Variants in PIP5K1B observed in about 807,000 individuals in gnomAD.
The protein encoded by PIP5K1B is phosphatidylinositol-4-phosphate 5-kinase type 1 beta.
PIP5K1B carries 42 observed loss-of-function variants against 67.0 expected under a neutral mutation model. That is an observed-to-expected ratio of 0.63 (90% CI 0.49 to 0.81). The LOEUF (loss-of-function observed/expected upper bound fraction) is 0.81. PIP5K1B is among the 30% of genes least tolerant of loss of function. PIP5K1B has a pLI of 0.00. For synonymous variants in PIP5K1B, 214 were observed against 231.4 expected (o/e 0.92, Z 0.68); for missense variants, 459 against 646.3 (o/e 0.71, Z 3.14).
At chr9:68,944,610 G>A (rs1225249107) in intron 14 of PIP5K1B, among the ~76,000 whole-genome samples, 1 of 152,156 alleles carries the variant, frequency 6.6e-6, no homozygotes, top group Non-Finnish European at 1.5e-5. Context: ...AAAGCCACTG[G>A]TCATTTACAC....
intron 7 of PIP5K1B, among the ~76,000 whole-genome samples, chr9:68,889,621 G>C (rs1824664841): frequency 6.6e-6 from 1 of 151,678 alleles, no homozygotes; most frequent in Non-Finnish European, 1.5e-5. Flanking sequence ...TGTAGTCCTA[G>C]CTACTCAGGA....
chr9:68,847,507 G>A (rs528619905), intron 4 of PIP5K1B, among the ~76,000 whole-genome samples: 1 of 150,506 alleles, frequency 6.6e-6, no homozygotes, highest in South Asian at 2.1e-4. Context: ...ATGAGAGGGT[G>A]GAGGTTGCTG....
chr9:68,793,253 A>G (rs1832098694), intron 2 of PIP5K1B, among the ~76,000 whole-genome samples: 1 of 152,142 alleles, frequency 6.6e-6, no homozygotes, highest in Non-Finnish European at 1.5e-5. Flanking sequence ...TCTTGTATGA[A>G]GGACACTGGC....
At position 68,882,460 on chromosome 9, in the gene PIP5K1B, AAG is replaced by A. The variant is rs568327334; in HGVS notation, c.318+5668_318+5669del. On this transcript the variant is annotated intron_variant, in intron 6 of 15. Coordinates refer to ENST00000265382, the MANE Select transcript of PIP5K1B (RefSeq NM_003558.4). ...GTGTTATGTATAAATGACATAATAAAAGAATATTTGACAATGTAGTAACCAAT... is the reference window on the plus strand; with the variant it reads ...GTGTTATGTATAAATGACATAATAAAAATATTTGACAATGTAGTAACCAAT... Among the ~76,000 whole-genome samples the A allele has an allele frequency of 7.5e-4, 115 of 152,344 alleles. 1 individual carries two copies. Among genetic ancestry groups the A allele is most frequent in the Non-Finnish European group, 1.5e-3 (103 of 68,034 alleles).
intron 14 of PIP5K1B, among the ~76,000 whole-genome samples, chr9:68,976,469 A>G (rs1829634807): frequency 6.6e-6 from 1 of 152,204 alleles, no homozygotes; most frequent in African/African-American, 2.4e-5. Flanking sequence ...ACAGCTACTT[A>G]GTGCCATGTT....
chr9:68,913,128 G>C (rs1238430423), intron 8 of PIP5K1B, among the ~76,000 whole-genome samples: 2 of 152,206 alleles, frequency 1.3e-5, no homozygotes. Context: ...GAAAGAATCT[G>C]ACTTTGGCAA....
rs191852642 is a variant in PIP5K1B, at chr9:68,923,396, T to C, written c.1201+10T>C. ...TTCAAGAAAATTCAAGGTAAGATTC[T>C]TATGAATTTTTTTTTTTACTTTTAG... On this transcript the variant is annotated intron_variant, in intron 12 of 15. Coordinates refer to ENST00000265382, the MANE Select transcript of PIP5K1B (RefSeq NM_003558.4). The C allele has an allele frequency of 2.2e-4, 318 of 1,452,018 alleles. No individual in the cohort carries two copies. In the East Asian group the frequency reaches 6.4e-3, roughly 29 times the overall value. The allele number at this position is 1,452,018 out of a possible 1,614,324, so 89.9% of individuals were successfully genotyped here. A position where few individuals can be genotyped will look rare whatever the true frequency, so the allele number is the denominator to read the frequency against.
In PIP5K1B at chr9:68,940,729, T is replaced by A. The variant is rs1391129989; in HGVS notation, c.1441T>A (p.Ser481Thr). 1 of 1,614,036 alleles carries A rather than the reference T, an allele frequency of 6.2e-7. No homozygotes were observed. Among genetic ancestry groups the A allele is most frequent in the Non-Finnish European group, 8.5e-7 (1 of 1,179,908 alleles). Residue 481 changes from serine to threonine, a missense_variant, in exon 14 of 16, where the codon TCT becomes ACT. Around this residue, in one of 2 missense-constraint regions of PIP5K1B, gnomAD observed 169 missense variants for 171.9 expected, o/e 0.98. Coordinates refer to ENST00000265382, the MANE Select transcript of PIP5K1B (RefSeq NM_003558.4). The part of the protein sequence containing the change: ...EAASLATTIS[S>T]SSLYVNEHYP... ...TGCTTCCTTGGCAACCACAATTTCATCTTCTTCCTTATACGTCAATGAGCA... is the reference window on the plus strand; with the variant it reads ...TGCTTCCTTGGCAACCACAATTTCAACTTCTTCCTTATACGTCAATGAGCA...
chr9:68,819,298 G>A (rs1201188405), intron 3 of PIP5K1B, among the ~76,000 whole-genome samples: 3 of 152,108 alleles, frequency 2.0e-5, no homozygotes, highest in Non-Finnish European at 2.9e-5. Context: ...TTTTGAGACA[G>A]GCTCTTCCTT....
chr9:68,913,711 A>C (rs1290833538), intron 8 of PIP5K1B, among the ~76,000 whole-genome samples: 1 of 152,140 alleles, frequency 6.6e-6, no homozygotes, highest in Non-Finnish European at 1.5e-5. Context: ...TCTTTTTTTA[A>C]GCCTTCCACA....
intron 15 of PIP5K1B, among the ~76,000 whole-genome samples, chr9:69,002,539 A>C (rs753837053): frequency 2.6e-5 from 4 of 152,202 alleles, no homozygotes; most frequent in African/African-American, 4.8e-5. Context: ...CCCCCACTGC[A>C]CTACATCCCC....
At chr9:68,884,035 A>C (rs1824330977) in intron 6 of PIP5K1B, among the ~76,000 whole-genome samples, 2 of 152,210 alleles carry the variant, frequency 1.3e-5, no homozygotes, top group African/African-American at 4.8e-5. Flanking sequence ...GGAAGGCCAG[A>C]AACTGTAAAA....
intron 14 of PIP5K1B, among the ~76,000 whole-genome samples, chr9:68,961,708 G>A (rs546655326): frequency 8.5e-5 from 13 of 152,264 alleles, no homozygotes; most frequent in South Asian, 2.1e-4. Flanking sequence ...GGAAGAGACC[G>A]TCTCTGAATC....
chr9:68,766,163 A>G (rs1326409363), intron 2 of PIP5K1B, among the ~76,000 whole-genome samples: 1 of 152,184 alleles, frequency 6.6e-6, no homozygotes, highest in African/African-American at 2.4e-5. Flanking sequence ...TGGTTAAAAA[A>G]GAATGTGCAC....
At chr9:68,990,562 C>T (rs539084885) in intron 14 of PIP5K1B, among the ~76,000 whole-genome samples, 1 of 150,278 alleles carries the variant, frequency 6.7e-6, no homozygotes, top group African/African-American at 2.5e-5. Flanking sequence ...CACATCCTCC[C>T]ACCACTCACA....
At chr9:68,871,195 G>A (rs1361038524) in intron 5 of PIP5K1B, among the ~76,000 whole-genome samples, 1 of 152,228 alleles carries the variant, frequency 6.6e-6, no homozygotes, top group Non-Finnish European at 1.5e-5. Context: ...GGCCTCATGT[G>A]GAAGTAATTG....
chr9:68,975,741 A>G (rs1202917035), intron 14 of PIP5K1B, among the ~76,000 whole-genome samples: 1 of 152,212 alleles, frequency 6.6e-6, no homozygotes, highest in Non-Finnish European at 1.5e-5. Context: ...AATCTGTTCC[A>G]TACCTCTCTG....
rs144781218 is a variant in PIP5K1B, at chr9:68,934,714, G to A, written c.1202-176G>A. ...GGACAAATAATATAGCCAATTCATC[G>A]TATTCATCAGATGAAACAAGTTCAT... On this transcript the variant is annotated intron_variant, in intron 12 of 15. Coordinates refer to ENST00000265382, the MANE Select transcript of PIP5K1B (RefSeq NM_003558.4). Among the ~76,000 whole-genome samples the A allele has an allele frequency of 8.1e-4, 123 of 152,210 alleles. 1 individual carries two copies. Among genetic ancestry groups the A allele is most frequent in the Non-Finnish European group, 1.6e-3 (106 of 68,010 alleles).
chr9:68,844,327 C>A (rs977346333), intron 4 of PIP5K1B, among the ~76,000 whole-genome samples: 2 of 151,822 alleles, frequency 1.3e-5, no homozygotes, highest in African/African-American at 4.8e-5. Flanking sequence ...CAGAAACCCA[C>A]CACAGTTTCC....
Sources: gnomAD v4.1 joint callset for allele counts (sites outside exome capture counted in the v4.1 genomes callset) on GRCh38, gnomAD v4.1.1 for gene constraint, gnomAD v4.1.1 regional missense constraint, MANE v1.5 for transcripts, NCBI Gene and HGNC (gene_info 2026-07-23, HGNC 2026-07-21) for gene names.